ANKRD31: variants seen among roughly 807,000 people sequenced by gnomAD.
The protein encoded by ANKRD31 is ankyrin repeat domain-containing protein 31.
ANKRD31 carries 147 observed loss-of-function variants against 186.0 expected under a neutral mutation model. The ratio of observed to expected loss-of-function variants is 0.79; its 90% CI spans 0.69 to 0.91. The LOEUF is 0.91. ANKRD31 is among the 40% of genes least tolerant of loss of function. ANKRD31 has a pLI of 0.00. For synonymous variants in ANKRD31, 673 were observed against 736.4 expected (o/e 0.91, Z 1.39); for missense variants, 1,986 against 2,148.8 (o/e 0.92, Z 1.50).
chr5:75,116,585 G>T lies in ANKRD31; in HGVS notation c.4136C>A (p.Ser1379Ter), dbSNP rs1364040607. The T allele has an allele frequency of 4.2e-6, 6 of 1,440,026 alleles. No homozygotes were observed. The highest frequency in any genetic ancestry group is 5.5e-6 in the Non-Finnish European group (6 of 1,091,018). 89.2% of individuals were successfully genotyped at this position (1,440,026 alleles called of 1,614,324 possible). ...DSSSLSHQER[S>*]RESLSVHQTL... The stretch of plus-strand genomic sequence containing the variant: ...ACTCACCACAGAAAGGCTTTCTCTT[G>T]ATCTTTCTTGGTGTGAAAGGGAAGA... Residue 1379 changes from serine (S) to a stop codon, truncating the protein, a stop_gained, in exon 19 of 26, where the codon TCA (serine) becomes TAA (stop). Transcript: ENST00000506364. LOFTEE classifies it high-confidence loss of function.
At chr5:75,098,045 G>A (rs1746477119) in intron 22 of ANKRD31, among the ~76,000 whole-genome samples, 1 of 151,356 alleles carries the variant, frequency 6.6e-6, no homozygotes, top group Non-Finnish European at 1.5e-5. Context: ...TTTCTTTTGA[G>A]ACGCAGTCTC....
intron 10 of ANKRD31, among the ~76,000 whole-genome samples, chr5:75,174,918 A>G (rs1580483914): frequency 6.6e-6 from 1 of 152,216 alleles, no homozygotes; most frequent in South Asian, 2.1e-4. Flanking sequence ...TACTATAAAG[A>G]CACATGCACA....
intron 22 of ANKRD31, among the ~76,000 whole-genome samples, chr5:75,101,984 T>C (rs1244568294): frequency 6.6e-6 from 1 of 152,242 alleles, no homozygotes; most frequent in Non-Finnish European, 1.5e-5. Flanking sequence ...AGGAGCTGCA[T>C]TCCTTTGGAG....
At chr5:75,154,904 A>G (rs1019969416) in intron 11 of ANKRD31, among the ~76,000 whole-genome samples, 11 of 152,066 alleles carry the variant, frequency 7.2e-5, no homozygotes, top group Admixed American at 1.3e-4. Context: ...AACCTCCTCT[A>G]TACAGCTCTC....
intron 25 of ANKRD31, among the ~76,000 whole-genome samples, chr5:75,068,912 C>T (rs1338222172): frequency 6.9e-6 from 1 of 145,488 alleles, no homozygotes; most frequent in African/African-American, 2.5e-5. Flanking sequence ...ATGGTGGAAG[C>T]TTCTGAAGGT....
chr5:75,138,111 T>C (rs1453537502), intron 16 of ANKRD31, 113 bp from the exon 17 acceptor site: 3 of 890,046 alleles, frequency 3.4e-6, no homozygotes, highest in Non-Finnish European at 4.6e-6. Context: ...TTGATTCATA[T>C]GTATATACTA....
At chr5:75,155,814 T>G (rs1752128770) in intron 11 of ANKRD31, among the ~76,000 whole-genome samples, 1 of 152,180 alleles carries the variant, frequency 6.6e-6, no homozygotes, top group Non-Finnish European at 1.5e-5. Context: ...CTCTCTTACC[T>G]TTGATATTAT....
At chr5:75,138,070 A>G in intron 16 of ANKRD31, 72 bp from the exon 17 acceptor site, 1 of 1,287,724 alleles carries the variant, frequency 7.8e-7, no homozygotes, top group Non-Finnish European at 1.0e-6. Flanking sequence ...CTGTATTACT[A>G]AGGTTTTGTT....
intron 9 of ANKRD31, among the ~76,000 whole-genome samples, chr5:75,191,692 T>C (rs1755126821): frequency 6.6e-6 from 1 of 152,098 alleles, no homozygotes; most frequent in Non-Finnish European, 1.5e-5. Context: ...AAGGTTCTTC[T>C]TTCCATTTAT....
At chr5:75,219,003 T>C (rs9918293) in intron 3 of ANKRD31, among the ~76,000 whole-genome samples, 76,762 of 151,964 alleles carry the variant, frequency 0.51, 22,321 homozygotes, top group African/African-American at 0.81. Context: ...GAGCCACCTA[T>C]GACAAAGCCA....
chr5:75,179,648 T>C (rs1200836519), intron 10 of ANKRD31, among the ~76,000 whole-genome samples: 2 of 152,170 alleles, frequency 1.3e-5, no homozygotes, highest in Non-Finnish European at 2.9e-5. Flanking sequence ...ATTATCTCAA[T>C]AGATGCAGAA....
intron 11 of ANKRD31, among the ~76,000 whole-genome samples, chr5:75,168,373 T>C (rs1294760428): frequency 6.6e-6 from 1 of 152,204 alleles, no homozygotes; most frequent in Non-Finnish European, 1.5e-5. Flanking sequence ...CCTTGCAATG[T>C]TGTCCCAGGG....
intron 15 of ANKRD31, among the ~76,000 whole-genome samples, chr5:75,142,592 A>G (rs1315301559): frequency 2.0e-5 from 3 of 152,032 alleles, no homozygotes; most frequent in South Asian, 2.1e-4. Flanking sequence ...GTTTACTTTG[A>G]TATCTTTCAT....
chr5:75,231,198 T>C (rs1757931988), intron 1 of ANKRD31, among the ~76,000 whole-genome samples: 1 of 152,072 alleles, frequency 6.6e-6, no homozygotes, highest in Non-Finnish European at 1.5e-5. Context: ...GCCTCCCAAG[T>C]AGCTGGGACT....
chr5:75,182,592 G>A (rs986490606), intron 10 of ANKRD31, among the ~76,000 whole-genome samples: 2 of 151,902 alleles, frequency 1.3e-5, no homozygotes, highest in Non-Finnish European at 1.5e-5. Flanking sequence ...GGTGGCAAGC[G>A]CCTGTAATCC....
Position 75,071,652 on chromosome 5 carries a change from C to T in ANKRD31, c.5648-2988G>A, listed in dbSNP as rs555650176. Among the ~76,000 whole-genome samples the T allele has an allele frequency of 2.0e-5, 3 of 152,154 alleles. No homozygotes were observed. The East Asian group carries it at 5.8e-4, about 29-fold the overall frequency. On this transcript the variant is annotated intron_variant, in intron 25 of 25. Transcript: ENST00000506364. ...CTGGGATTACAGGCACCCACCACCA[C>T]GCCCGGCTAATTTTTTTGTAGTTTT...
At chr5:75,142,760 G>GT (rs530461032) in intron 15 of ANKRD31, among the ~76,000 whole-genome samples, 86 of 152,128 alleles carry the variant, frequency 5.7e-4, no homozygotes, top group Non-Finnish European at 9.0e-4. Context: ...TCAGCAGGAG[G>GT]TAAGCCTGCC....
intron 3 of ANKRD31, among the ~76,000 whole-genome samples, chr5:75,216,832 A>G (rs913908297): frequency 1.3e-5 from 2 of 152,030 alleles, no homozygotes; most frequent in Non-Finnish European, 2.9e-5. Context: ...AAAAATTGAG[A>G]TCTTTCTAAC....
At chr5:75,157,758 C>T (rs972079780) in intron 11 of ANKRD31, among the ~76,000 whole-genome samples, 7 of 152,114 alleles carry the variant, frequency 4.6e-5, no homozygotes, top group Admixed American at 6.6e-5. Context: ...CTGTGACACA[C>T]GGTAAACTCA....
Sources: allele counts gnomAD v4.1 joint callset (sites outside exome capture counted in the v4.1 genomes callset), GRCh38; gene constraint gnomAD v4.1.1; transcripts MANE v1.5; gene names NCBI Gene and HGNC (gene_info 2026-07-23, HGNC 2026-07-21).